The following KHDRBS3 variants were observed in gnomAD, a reference collection of about 807,000 sequenced individuals.
KHDRBS3 encodes KH domain-containing, RNA-binding, signal transduction-associated protein 3.
A neutral mutation model predicts 45.6 loss-of-function variants in KHDRBS3; 23 were observed. The ratio of observed to expected loss-of-function variants is 0.50; its 90% CI spans 0.36 to 0.72. The LOEUF (loss-of-function observed/expected upper bound fraction) is 0.72, where lower values mean the gene tolerates loss of function less well. Among genes scored for constraint, KHDRBS3 ranks in the 30% least tolerant of loss-of-function variants. The pLI, the probability that KHDRBS3 is intolerant of heterozygous loss-of-function variation, is 0.00. For synonymous variants in KHDRBS3, 162 were observed against 156.5 expected (o/e 1.04, Z -0.26); for missense variants, 352 against 424.8 (o/e 0.83, Z 1.51).
At chr8:135,567,104 T>G (rs1262737398) in intron 5 of KHDRBS3, among the ~76,000 whole-genome samples, 1 of 151,886 alleles carries the variant, frequency 6.6e-6, no homozygotes, top group Non-Finnish European at 1.5e-5. Flanking sequence ...AGCAGCTGAG[T>G]GGGGTTGGAG....
At chr8:135,555,826 G>C (rs1254593772) in intron 4 of KHDRBS3, among the ~76,000 whole-genome samples, 1 of 152,132 alleles carries the variant, frequency 6.6e-6, no homozygotes, top group African/African-American at 2.4e-5. Context: ...TGCCCTGGTG[G>C]TTTGCTGCAC....
intron 1 of KHDRBS3, among the ~76,000 whole-genome samples, chr8:135,494,273 A>ATTTTTTTTT (rs386414089): frequency 1.4e-4 from 11 of 78,624 alleles, no homozygotes; most frequent in Non-Finnish European, 1.3e-4. Flanking sequence ...TGTTTCTCTT[A>ATTTTTTTTT]TTTTTTTTTT....
At chr8:135,510,913 C>G (rs1003042961) in intron 1 of KHDRBS3, among the ~76,000 whole-genome samples, 1 of 152,326 alleles carries the variant, frequency 6.6e-6, no homozygotes, top group East Asian at 1.9e-4. Flanking sequence ...CTCTTCCCCC[C>G]ACCTTTTTTA....
At chr8:135,649,331 A>G (rs563903159), downstream of KHDRBS3, among the ~76,000 whole-genome samples, 6 of 152,296 alleles carry the variant, frequency 3.9e-5, no homozygotes, top group Non-Finnish European at 8.8e-5. Flanking sequence ...GTTCAGTGAA[A>G]ATGATGCTTA....
chr8:135,580,968 G>C (rs1181425401), intron 5 of KHDRBS3, among the ~76,000 whole-genome samples: 1 of 152,098 alleles, frequency 6.6e-6, no homozygotes, highest in Non-Finnish European at 1.5e-5. Flanking sequence ...TCTTTAGCCT[G>C]TCTAGAGGTT....
At chr8:135,584,326 A>G (rs186708330) in intron 6 of KHDRBS3, among the ~76,000 whole-genome samples, 9 of 152,348 alleles carry the variant, frequency 5.9e-5, no homozygotes, top group Non-Finnish European at 1.2e-4. Flanking sequence ...TACAATTACA[A>G]GTCTTGCATA....
intron 1 of KHDRBS3, among the ~76,000 whole-genome samples, chr8:135,488,251 G>A (rs1430822115): frequency 6.6e-6 from 1 of 152,118 alleles, no homozygotes; most frequent in African/African-American, 2.4e-5. Flanking sequence ...GATTACTACC[G>A]TATTGATTTC....
chr8:135,603,072 A>T (rs540787532), intron 6 of KHDRBS3, among the ~76,000 whole-genome samples: 4 of 152,220 alleles, frequency 2.6e-5, no homozygotes, highest in Non-Finnish European at 5.9e-5. Flanking sequence ...TCTAGCATTG[A>T]TACACCTGGG....
intron 1 of KHDRBS3, among the ~76,000 whole-genome samples, chr8:135,472,510 G>A (rs112450508): frequency 1.7e-4 from 26 of 152,224 alleles, no homozygotes; most frequent in Middle Eastern, 3.4e-3. Context: ...AATGAATGAC[G>A]TATGTGAAAG....
At chr8:135,467,942 A>G (rs1357790566) in intron 1 of KHDRBS3, among the ~76,000 whole-genome samples, 1 of 152,108 alleles carries the variant, frequency 6.6e-6, no homozygotes, top group Non-Finnish European at 1.5e-5. Flanking sequence ...TAAAATGGTA[A>G]TTTTCCAACA....
At chr8:135,587,362 G>A (rs1398179268) in intron 6 of KHDRBS3, among the ~76,000 whole-genome samples, 1 of 152,130 alleles carries the variant, frequency 6.6e-6, no homozygotes, top group Non-Finnish European at 1.5e-5. Flanking sequence ...GGATAGTCTA[G>A]CCATTGGTAA....
At chr8:135,548,714 G>T in intron 3 of KHDRBS3, 40 bp from the exon 4 acceptor site, 3 of 1,401,842 alleles carry the variant, frequency 2.1e-6, no homozygotes, top group South Asian at 3.2e-5. Flanking sequence ...TTCTTATAAT[G>T]ACACGTTTTT....
chr8:135,538,890 G>A (rs1462306426), intron 2 of KHDRBS3: 1 of 151,982 alleles, frequency 6.6e-6, no homozygotes, highest in Admixed American at 6.6e-5. Flanking sequence ...TGCGAATACC[G>A]ACTATGACTA....
intron 1 of KHDRBS3, among the ~76,000 whole-genome samples, chr8:135,481,223 G>T (rs1264022801): frequency 4.5e-4 from 35 of 77,404 alleles, no homozygotes; most frequent in African/African-American, 1.4e-3. Flanking sequence ...TGAAAGCCAC[G>T]ATATATATAT....
chr8:135,574,789 A>G (rs1750214967), intron 5 of KHDRBS3, among the ~76,000 whole-genome samples: 1 of 152,224 alleles, frequency 6.6e-6, no homozygotes, highest in South Asian at 2.1e-4. Context: ...ACACTACAGA[A>G]ATTATATCAC....
At chr8:135,463,280 G>A (rs1381638290) in intron 1 of KHDRBS3, among the ~76,000 whole-genome samples, 1 of 152,130 alleles carries the variant, frequency 6.6e-6, no homozygotes, top group Non-Finnish European at 1.5e-5. Context: ...ATTAAGGGTA[G>A]CAGAATCAGA....
chr8:135,630,386 T>C (rs550632316), intron 7 of KHDRBS3, among the ~76,000 whole-genome samples: 3 of 152,346 alleles, frequency 2.0e-5, no homozygotes, highest in African/African-American at 7.2e-5. Flanking sequence ...TAACCAGCTA[T>C]GTGATTTTAA....
intron 5 of KHDRBS3, among the ~76,000 whole-genome samples, chr8:135,580,460 T>G (rs550127469): frequency 1.3e-5 from 2 of 152,322 alleles, no homozygotes; most frequent in African/African-American, 4.8e-5. Flanking sequence ...TAATTCTCTT[T>G]GTGTTGGTCA....
chr8:135,589,528 G>A (rs1828643848), intron 6 of KHDRBS3, among the ~76,000 whole-genome samples: 1 of 152,136 alleles, frequency 6.6e-6, no homozygotes, highest in Admixed American at 6.5e-5. Context: ...CGAGCTCTTG[G>A]CTCCCTTTGA....
Sources: gnomAD v4.1 joint callset for allele counts (sites outside exome capture counted in the v4.1 genomes callset) on GRCh38, gnomAD v4.1.1 for gene constraint, MANE v1.5 for transcripts, NCBI Gene and HGNC (gene_info 2026-07-23, HGNC 2026-07-21) for gene names.